The following DISP1 variants were observed in gnomAD, a reference collection of about 807,000 sequenced individuals.
DISP1 encodes the protein protein dispatched homolog 1.
A neutral mutation model predicts 37.3 loss-of-function variants in DISP1; 30 were observed. The ratio of observed to expected loss-of-function variants is 0.80; its 90% CI spans 0.60 to 1.09. DISP1 has a LOEUF of 1.09. Ranked by LOEUF, DISP1 falls within the 50% of genes least tolerant of loss-of-function variation. The pLI, the probability that DISP1 is intolerant of heterozygous loss-of-function variation, is 0.00. For synonymous variants in DISP1, 634 were observed against 690.2 expected (o/e 0.92, Z 1.28); for missense variants, 1,598 against 1,879.5 (o/e 0.85, Z 2.77).
chr1:223,003,178 C>T lies in DISP1; in HGVS notation c.1781C>T (p.Ser594Leu), dbSNP rs368871472. 125 of 1,614,110 alleles carry T rather than the reference C, an allele frequency of 7.7e-5. 2 individuals carry two copies. The highest frequency in any genetic ancestry group is 4.0e-4 in the East Asian group (18 of 44,890). ...TTTGATAAGCCTCATGCCGAAACCT[C>T]AGAAACAGTAAGCATCACCTTGCAG... ...TKFDKPHAET[S>L]ETVSITLQHA... is the part of the protein sequence containing the mutation. Residue 594 changes from serine (S) to leucine (L), a missense_variant, in exon 9 of 9, where the codon TCA (serine) becomes TTA (leucine). Coordinates refer to ENST00000675850, the MANE Select transcript of DISP1 (RefSeq NM_001377229.1). The surrounding 1 kb of genome is among the most constrained non-coding windows in gnomAD (Gnocchi z 4.3).
At chr1:222,831,437 G>C (rs1272984790) in intron 1 of DISP1, among the ~76,000 whole-genome samples, 1 of 152,158 alleles carries the variant, frequency 6.6e-6, no homozygotes, top group Non-Finnish European at 1.5e-5. Context: ...AACTATGTTT[G>C]ATGCTAGGTA....
intron 3 of DISP1, among the ~76,000 whole-genome samples, chr1:222,972,297 C>T (rs1413857310): frequency 6.6e-6 from 1 of 152,010 alleles, no homozygotes. Context: ...TTCTAAATTA[C>T]TTAAAGATTA....
At chr1:223,001,976 TG>T (rs1352631888) in intron 8 of DISP1, among the ~76,000 whole-genome samples, 4 of 152,230 alleles carry the variant, frequency 2.6e-5, no homozygotes, top group African/African-American at 9.6e-5. Flanking sequence ...ATATATCAAG[TG>T]TACGGTTTTC....
chr1:222,821,724 C>A (rs566765805), intron 1 of DISP1, among the ~76,000 whole-genome samples: 1 of 151,906 alleles, frequency 6.6e-6, no homozygotes, highest in Admixed American at 6.6e-5. Flanking sequence ...AAAAATAATA[C>A]AAATATTAGC....
At chr1:222,871,512 T>C (rs535908609) in intron 1 of DISP1, among the ~76,000 whole-genome samples, 18 of 152,344 alleles carry the variant, frequency 1.2e-4, no homozygotes, top group African/African-American at 3.8e-4. Flanking sequence ...TTCACATCTC[T>C]TGTAAGTTGG....
chr1:222,959,027 C>T (rs937112771), intron 3 of DISP1, among the ~76,000 whole-genome samples: 1 of 151,870 alleles, frequency 6.6e-6, no homozygotes, highest in Non-Finnish European at 1.5e-5. Context: ...ATTATTATCT[C>T]CTTTTAGTAA....
chr1:222,956,713 G>A (rs1022870146), intron 3 of DISP1, among the ~76,000 whole-genome samples: 2 of 152,026 alleles, frequency 1.3e-5, no homozygotes, highest in East Asian at 3.9e-4. Context: ...TTTGGTGAGT[G>A]TTTTGGCTTG....
intron 1 of DISP1, among the ~76,000 whole-genome samples, chr1:222,869,961 C>G (rs1669437485): frequency 6.6e-6 from 1 of 151,956 alleles, no homozygotes; most frequent in South Asian, 2.1e-4. Context: ...CACAACAGTC[C>G]CCAGTGTGTG....
chr1:222,959,132 T>G (rs1011258597), intron 3 of DISP1, among the ~76,000 whole-genome samples: 1 of 152,200 alleles, frequency 6.6e-6, no homozygotes, highest in Non-Finnish European at 1.5e-5. Flanking sequence ...TTATGAACAC[T>G]CTTCCCTGAG....
intron 1 of DISP1, among the ~76,000 whole-genome samples, chr1:222,850,684 C>T (rs550667305): frequency 6.6e-6 from 1 of 152,246 alleles, no homozygotes; most frequent in South Asian, 2.1e-4. Context: ...TAAGTGAGAA[C>T]ATGCAATGTT....
intron 1 of DISP1, among the ~76,000 whole-genome samples, chr1:222,857,003 C>G (rs550882004): frequency 8.5e-5 from 13 of 152,088 alleles, no homozygotes; most frequent in African/African-American, 3.1e-4. Context: ...TGTGCCCATC[C>G]TCTTATAATT....
intron 1 of DISP1, among the ~76,000 whole-genome samples, chr1:222,817,009 T>A (rs1005511664): frequency 6.6e-6 from 1 of 152,260 alleles, no homozygotes; most frequent in African/African-American, 2.4e-5. Flanking sequence ...TTGGAGGAAG[T>A]GCTCGTTGTT....
intron 3 of DISP1, among the ~76,000 whole-genome samples, chr1:222,953,306 G>A (rs1426421229): frequency 1.3e-5 from 2 of 152,014 alleles, no homozygotes; most frequent in Non-Finnish European, 2.9e-5. Flanking sequence ...TTTCTTTTAA[G>A]TTTTGTTGTT....
chr1:222,819,095 T>C (rs1006586084), intron 1 of DISP1, among the ~76,000 whole-genome samples: 1 of 152,192 alleles, frequency 6.6e-6, no homozygotes, highest in Non-Finnish European at 1.5e-5. Context: ...TAGTGTTGTC[T>C]CATGATAGAG....
chr1:222,826,271 T>C (rs1374853126), intron 1 of DISP1, among the ~76,000 whole-genome samples: 1 of 151,804 alleles, frequency 6.6e-6, no homozygotes, highest in Non-Finnish European at 1.5e-5. Context: ...TCAGCAGCAG[T>C]GTAGTGTAGA....
intron 4 of DISP1, among the ~76,000 whole-genome samples, chr1:222,984,586 TTA>T (rs1407773915): frequency 1.3e-5 from 2 of 151,354 alleles, no homozygotes; most frequent in Non-Finnish European, 2.9e-5. Context: ...TATAACATGT[TTA>T]TATGTTATAT....
intron 1 of DISP1, among the ~76,000 whole-genome samples, chr1:222,851,704 TA>T (rs1388059534): frequency 6.6e-6 from 1 of 152,116 alleles, no homozygotes; most frequent in Admixed American, 6.5e-5. Flanking sequence ...GTGCATTCCC[TA>T]AAAGTTCTTT....
At chr1:222,970,497 T>C (rs1676854439) in intron 3 of DISP1, among the ~76,000 whole-genome samples, 1 of 152,190 alleles carries the variant, frequency 6.6e-6, no homozygotes, top group African/African-American at 2.4e-5. Flanking sequence ...AACATCAAAT[T>C]TTGATTACAG....
intron 3 of DISP1, among the ~76,000 whole-genome samples, chr1:222,958,776 G>A (rs775583497): frequency 1.3e-5 from 2 of 152,084 alleles, no homozygotes; most frequent in Non-Finnish European, 1.5e-5. Flanking sequence ...CAGAACATCA[G>A]TATCCCATAA....
Sources: allele counts gnomAD v4.1 joint callset (sites outside exome capture counted in the v4.1 genomes callset), GRCh38; gene constraint gnomAD v4.1.1; non-coding constraint Gnocchi (gnomAD v3.1); transcripts MANE v1.5; gene names NCBI Gene and HGNC (gene_info 2026-07-23, HGNC 2026-07-21).